MYO3B: variants seen among roughly 807,000 people sequenced by gnomAD.
MYO3B encodes myosin-IIIb.
In MYO3B, 156 loss-of-function variants were observed where a neutral mutation model predicts 174.6. The ratio of observed to expected loss-of-function variants is 0.89; its 90% CI spans 0.78 to 1.02. The LOEUF is 1.02. Ranked by LOEUF, MYO3B falls within the 50% of genes least tolerant of loss-of-function variation. MYO3B has a pLI of 0.00. For synonymous variants in MYO3B, 563 were observed against 569.1 expected (o/e 0.99, Z 0.15); for missense variants, 1,632 against 1,639.4 (o/e 1.00, Z 0.08).
Position 170,381,400 on chromosome 2 carries a change from G to A in MYO3B, c.972-616G>A, listed in dbSNP as rs753832248. ...TACAGAACCTGTATATTGCTCATGG[G>A]TATCTATAGGCATATGACCAATATT... On this transcript the variant is annotated intron_variant, in intron 9 of 34. Transcript: ENST00000408978. Among the ~76,000 whole-genome samples, 6 of 152,064 alleles carry A rather than the reference G, an allele frequency of 3.9e-5. No individual in the cohort carries two copies. In the South Asian group the frequency reaches 1.2e-3, roughly 32 times the overall value.
intron 6 of MYO3B, among the ~76,000 whole-genome samples, chr2:170,222,088 A>C (rs2092907175): frequency 6.6e-6 from 1 of 152,196 alleles, no homozygotes. Context: ...AGCTCATAAT[A>C]ATAGAGTCAT....
intron 32 of MYO3B, among the ~76,000 whole-genome samples, chr2:170,554,773 G>T (rs1397002412): frequency 6.6e-6 from 1 of 152,236 alleles, no homozygotes; most frequent in Admixed American, 6.5e-5. Flanking sequence ...GACATCAGGA[G>T]TGCAGATGCC....
chr2:170,302,686 A>G (rs1393771975), intron 7 of MYO3B, among the ~76,000 whole-genome samples: 4 of 152,222 alleles, frequency 2.6e-5, no homozygotes, highest in East Asian at 3.8e-4. Flanking sequence ...GGGAATGAGG[A>G]AAGTGTGGTT....
chr2:170,265,269 A>T (rs1263044881), intron 7 of MYO3B, among the ~76,000 whole-genome samples: 2 of 152,216 alleles, frequency 1.3e-5, no homozygotes, highest in African/African-American at 4.8e-5. Flanking sequence ...AGCTCCATGA[A>T]TTCTTAGCTT....
At chr2:170,467,939 A>G (rs1447572053) in intron 25 of MYO3B, among the ~76,000 whole-genome samples, 5 of 151,954 alleles carry the variant, frequency 3.3e-5, no homozygotes, top group Non-Finnish European at 7.4e-5. Flanking sequence ...GTGGAACAAG[A>G]AAAAAAATTT....
Position 170,449,814 on chromosome 2 carries a change from T to C in MYO3B, c.2730+5768T>C, listed in dbSNP as rs551081215. 2.8e-4 allele frequency among the ~76,000 whole-genome samples: 43 copies of C among 152,096 alleles called. 1 individual carries two copies. In the South Asian group the frequency reaches 4.1e-3, roughly 15 times the overall value. On this transcript the variant is annotated intron_variant, in intron 23 of 34. Coordinates refer to ENST00000408978, the MANE Select transcript of MYO3B (RefSeq NM_138995.5). ...AGAAAAGAAAAAGAAGAAGTTTTCT[T>C]GACTCTGAAAAACAAAAGGATTCGC...
At chr2:170,535,870 C>A (rs1689654636) in intron 30 of MYO3B, among the ~76,000 whole-genome samples, 2 of 152,326 alleles carry the variant, frequency 1.3e-5, no homozygotes, top group Middle Eastern at 3.4e-3. Flanking sequence ...GCTCTGTATC[C>A]CTTCAGATCA....
At chr2:170,305,370 A>G (rs1518738) in intron 7 of MYO3B, among the ~76,000 whole-genome samples, 37,674 of 152,018 alleles carry the variant, frequency 0.25, 5,762 homozygotes, top group African/African-American at 0.4. Flanking sequence ...TTAACTGAGA[A>G]GGTAAGTCCT....
intron 7 of MYO3B, among the ~76,000 whole-genome samples, chr2:170,263,395 T>C (rs903415327): frequency 6.6e-6 from 1 of 151,998 alleles, no homozygotes; most frequent in Non-Finnish European, 1.5e-5. Context: ...AGGCAAAGTA[T>C]AGAGAAAGAA....
intron 8 of MYO3B, among the ~76,000 whole-genome samples, chr2:170,362,167 A>C (rs1337273183): frequency 6.6e-6 from 1 of 152,202 alleles, no homozygotes; most frequent in Non-Finnish European, 1.5e-5. Flanking sequence ...CCATTTGCTC[A>C]GAGATGTGAT....
intron 32 of MYO3B, among the ~76,000 whole-genome samples, chr2:170,630,353 G>A (rs1433655423): frequency 6.6e-6 from 1 of 152,192 alleles, no homozygotes; most frequent in Non-Finnish European, 1.5e-5. Context: ...GTGGAGGGGT[G>A]TCCACCATTG....
intron 7 of MYO3B, among the ~76,000 whole-genome samples, chr2:170,294,964 C>T (rs1338194199): frequency 1.2e-5 from 1 of 83,280 alleles, no homozygotes; most frequent in Non-Finnish European, 2.6e-5. Flanking sequence ...GTGTATTAAA[C>T]ATAATTCTCA....
chr2:170,386,571 G>A (rs1018186763), intron 13 of MYO3B, among the ~76,000 whole-genome samples: 23 of 152,104 alleles, frequency 1.5e-4, no homozygotes, highest in Non-Finnish European at 2.2e-4. Flanking sequence ...TAAGCACTAG[G>A]AACAGGATCA....
At chr2:170,379,550 G>C (rs17497539) in intron 9 of MYO3B, among the ~76,000 whole-genome samples, 10,440 of 152,154 alleles carry the variant, frequency 0.069, 460 homozygotes, top group South Asian at 0.14. Context: ...TATGTGAAGG[G>C]GATTTTGATC....
chr2:170,419,950 C>T (rs374194459), intron 22 of MYO3B, among the ~76,000 whole-genome samples: 75 of 152,188 alleles, frequency 4.9e-4, no homozygotes, highest in Admixed American at 2.4e-3. Flanking sequence ...TTTGGGAGGC[C>T]GAGACAGGTG....
intron 7 of MYO3B, among the ~76,000 whole-genome samples, chr2:170,291,717 T>TTTTTA (rs1553584951): frequency 6.6e-6 from 1 of 151,678 alleles, no homozygotes; most frequent in Non-Finnish European, 1.5e-5. Context: ...TGACAGGTTT[T>TTTTTA]TTTTATTTTC....
chr2:170,615,354 A>T (rs749273888), intron 32 of MYO3B, among the ~76,000 whole-genome samples: 2 of 152,258 alleles, frequency 1.3e-5, no homozygotes, highest in Admixed American at 1.3e-4. Context: ...AATCACTTGT[A>T]TAGAAGGTGA....
chr2:170,375,744 C>CACAG (rs1307791100), intron 9 of MYO3B, among the ~76,000 whole-genome samples: 5 of 151,528 alleles, frequency 3.3e-5, no homozygotes, highest in Admixed American at 2.6e-4. Context: ...CACACACACA[C>CACAG]AGAGCACCCC....
chr2:170,583,682 A>G (rs1171636279), intron 32 of MYO3B, among the ~76,000 whole-genome samples: 1 of 152,188 alleles, frequency 6.6e-6, no homozygotes, highest in African/African-American at 2.4e-5. Flanking sequence ...ACAATATTGT[A>G]TTTAATCCTG....
Sources: allele counts gnomAD v4.1 joint callset (sites outside exome capture counted in the v4.1 genomes callset), GRCh38; gene constraint gnomAD v4.1.1; transcripts MANE v1.5; gene names NCBI Gene and HGNC (gene_info 2026-07-23, HGNC 2026-07-21).